Variants in SIL1 observed in about 807,000 individuals in gnomAD.
SIL1 encodes the protein nucleotide exchange factor SIL1.
SIL1 carries 40 observed loss-of-function variants against 49.1 expected under a neutral mutation model. The ratio of observed to expected loss-of-function variants is 0.81; its 90% CI spans 0.63 to 1.06. The LOEUF (loss-of-function observed/expected upper bound fraction) is 1.06. Ranked by LOEUF, SIL1 falls within the 50% of genes least tolerant of loss-of-function variation. SIL1 has a pLI of 0.00. For missense variants in SIL1, 500 were observed against 572.6 expected (o/e 0.87, Z 1.29); for synonymous variants, 253 against 250.8 (o/e 1.01, Z -0.08).
intron 1 of SIL1, among the ~76,000 whole-genome samples, chr5:139,179,872 C>T (rs1751951093): frequency 6.6e-6 from 1 of 151,842 alleles, no homozygotes. Flanking sequence ...GCCTGAGCAA[C>T]ACAGCAAGAT....
intron 6 of SIL1, 94 bp downstream of exon 6, chr5:139,026,707 A>G: frequency 9.0e-7 from 1 of 1,110,934 alleles, no homozygotes; most frequent in South Asian, 1.3e-5. Flanking sequence ...GGAGAGAAGT[A>G]AAGATGTTGA....
chr5:139,040,477 A>ATTT (rs1433157841), intron 5 of SIL1, among the ~76,000 whole-genome samples: 3 of 95,638 alleles, frequency 3.1e-5, no homozygotes, highest in African/African-American at 4.9e-5. Flanking sequence ...GGAGAGGAGT[A>ATTT]TTTTTTCTTT....
intron 7 of SIL1, among the ~76,000 whole-genome samples, chr5:138,970,695 G>T (rs139501107): frequency 6.6e-6 from 1 of 152,234 alleles, no homozygotes; most frequent in East Asian, 1.9e-4. Context: ...AAGTGGTATA[G>T]AATTCCAGGG....
intron 3 of SIL1, among the ~76,000 whole-genome samples, chr5:139,076,365 A>G (rs1003693643): frequency 2.0e-5 from 3 of 152,222 alleles, no homozygotes; most frequent in African/African-American, 4.8e-5. Flanking sequence ...CTTTGTACCT[A>G]TATCAAGTTT....
At position 139,048,749 on chromosome 5, in the gene SIL1, G is replaced by T. The variant is rs147655125; in HGVS notation, c.353+2189C>A. On this transcript the variant is annotated intron_variant, in intron 4 of 9. Transcript: ENST00000394817. ...AAGACTTGGATTACATGTGAGAAAA[G>T]ACTTCCTAAAAGTACTTTGAGGCAC... Among the ~76,000 whole-genome samples the T allele has an allele frequency of 9.8e-5, 15 of 152,344 alleles. No homozygotes were observed. In the East Asian group the frequency reaches 2.5e-3, roughly 25 times the overall value.
In SIL1 at chr5:139,185,287, G is replaced by A. The variant is rs538955844; in HGVS notation, c.-11+12982C>T. ...TTCCTGCCTGGTGCCCTGAGCTGCCGGGATGGGCTCTGGCCACCCAAGACC... is the reference window on the plus strand; with the variant it reads ...TTCCTGCCTGGTGCCCTGAGCTGCCAGGATGGGCTCTGGCCACCCAAGACC... On this transcript the variant is annotated intron_variant, in intron 1 of 9. Transcript: ENST00000394817. Among the ~76,000 whole-genome samples, 10 of 152,278 alleles carry A rather than the reference G, an allele frequency of 6.6e-5. No individual in the cohort carries two copies. In the South Asian group the frequency reaches 1.2e-3, roughly 19 times the overall value.
intron 7 of SIL1, chr5:139,016,979 A>C (rs1321855527): frequency 2.0e-5 from 3 of 152,050 alleles, no homozygotes; most frequent in Non-Finnish European, 4.4e-5. Context: ...CTCGAGTAGC[A>C]TAGCTGGGAC....
intron 3 of SIL1, among the ~76,000 whole-genome samples, chr5:139,069,408 G>T (rs1261586150): frequency 6.6e-6 from 1 of 151,830 alleles, no homozygotes; most frequent in Non-Finnish European, 1.5e-5. Flanking sequence ...AAGGAGGAAA[G>T]TTGGAAAAAC....
chr5:139,076,337 A>G (rs2091032644), intron 3 of SIL1, among the ~76,000 whole-genome samples: 1 of 152,210 alleles, frequency 6.6e-6, no homozygotes, highest in Non-Finnish European at 1.5e-5. Context: ...TTACTCTGGT[A>G]TGTGTACATT....
chr5:139,125,144 T>G (rs762902263), intron 2 of SIL1, among the ~76,000 whole-genome samples: 3 of 152,166 alleles, frequency 2.0e-5, no homozygotes, highest in Non-Finnish European at 4.4e-5. Context: ...GCCTAGGCAG[T>G]GTCCTGAACA....
intron 3 of SIL1, among the ~76,000 whole-genome samples, chr5:139,113,495 C>G (rs1770923433): frequency 6.6e-6 from 1 of 151,628 alleles, no homozygotes; most frequent in African/African-American, 2.4e-5. Context: ...AGCAGATATA[C>G]TCTCACTTCA....
At chr5:139,098,809 CT>C (rs59863544) in intron 3 of SIL1, among the ~76,000 whole-genome samples, 1,155 of 88,978 alleles carry the variant, frequency 0.013, 10 homozygotes, top group African/African-American at 0.043. Context: ...TTTTCTTACT[CT>C]TTTTTTTTTT....
chr5:139,053,677 T>C (rs1240098750), intron 3 of SIL1, among the ~76,000 whole-genome samples: 1 of 152,188 alleles, frequency 6.6e-6, no homozygotes, highest in Non-Finnish European at 1.5e-5. Flanking sequence ...GAAAGAACCA[T>C]GCTACCTCCT....
intron 3 of SIL1, among the ~76,000 whole-genome samples, chr5:139,100,593 G>T (rs920429336): frequency 6.6e-6 from 1 of 152,144 alleles, no homozygotes; most frequent in African/African-American, 2.4e-5. Context: ...AATGAGGGAG[G>T]CTAATTAGAT....
chr5:139,173,641 G>A (rs1581151585), intron 1 of SIL1, among the ~76,000 whole-genome samples: 1 of 151,430 alleles, frequency 6.6e-6, no homozygotes, highest in Non-Finnish European at 1.5e-5. Context: ...ACTATAATGT[G>A]TACATTAAAA....
At chr5:138,997,690 C>G (rs1360093656) in intron 7 of SIL1, among the ~76,000 whole-genome samples, 2 of 152,220 alleles carry the variant, frequency 1.3e-5, no homozygotes, top group African/African-American at 4.8e-5. Context: ...TCCCGAATAG[C>G]TGGGACTACA....
rs137987360 is a variant in SIL1, at chr5:139,038,736, T to C, written c.453+3884A>G. Among the ~76,000 whole-genome samples the C allele has an allele frequency of 8.9e-3, 1,350 of 152,310 alleles. 15 individuals carry two copies. Among genetic ancestry groups the C allele is most frequent in the Middle Eastern group, 0.02 (6 of 294 alleles). On this transcript the variant is annotated intron_variant, in intron 5 of 9. Coordinates refer to ENST00000394817, the MANE Select transcript of SIL1 (RefSeq NM_022464.5). ...CCCTGGGCCTCTACTGACACCACTT[T>C]GGCGGGAGAATCGAGCACTGTTTCA...
chr5:139,156,161 G>A (rs773953765), intron 1 of SIL1, among the ~76,000 whole-genome samples: 2 of 152,106 alleles, frequency 1.3e-5, no homozygotes, highest in Non-Finnish European at 2.9e-5. Flanking sequence ...ATGCTTTCTG[G>A]ATACCAGGCA....
chr5:139,040,493 TTTTTC>T lies in SIL1; in HGVS notation c.453+2122_453+2126del, dbSNP rs1198866898. ...GAGAGGAGTATTTTTTCTTTTTTCT[TTTTTC>T]TTTTTTTTTTTTTTTTTGAGACAGA... is the stretch of plus-strand genomic sequence containing the variant. On this transcript the variant is annotated intron_variant, in intron 5 of 9. Coordinates refer to ENST00000394817, the MANE Select transcript of SIL1 (RefSeq NM_022464.5). 4.3e-4 allele frequency among the ~76,000 whole-genome samples: 46 copies of T among 106,888 alleles called. 4 individuals carry two copies. Among genetic ancestry groups the T allele is most frequent in the African/African-American group, 1.2e-3 (32 of 25,698 alleles). 70.1% of individuals were successfully genotyped at this position (106,888 alleles called of 152,430 possible).
Sources: gnomAD v4.1 joint callset for allele counts (sites outside exome capture counted in the v4.1 genomes callset) on GRCh38, gnomAD v4.1.1 for gene constraint, MANE v1.5 for transcripts, NCBI Gene and HGNC (gene_info 2026-07-23, HGNC 2026-07-21) for gene names.